DCDC2: variants seen among roughly 807,000 people sequenced by gnomAD.
DCDC2 encodes the protein doublecortin domain containing 2, also known as doublecortin domain-containing protein 2.
A neutral mutation model predicts 50.2 loss-of-function variants in DCDC2; 40 were observed. The ratio of observed to expected loss-of-function variants is 0.80; its 90% CI spans 0.62 to 1.04. DCDC2 has a LOEUF of 1.04. Ranked by LOEUF, DCDC2 falls within the 50% of genes least tolerant of loss-of-function variation. The pLI, the probability that DCDC2 is intolerant of heterozygous loss-of-function variation, is 0.00. For missense variants in DCDC2, 570 were observed against 581.9 expected, an observed-to-expected ratio of 0.98 and a Z score of 0.21; for synonymous variants, 234 against 210.6, an observed-to-expected ratio of 1.11 and a Z score of -0.96.
chr6:24,367,506 G>A, the DCDC2 span, among the ~76,000 whole-genome samples: 1 of 152,206 alleles, frequency 6.6e-6, no homozygotes, highest in Non-Finnish European at 1.5e-5. Flanking sequence ...GAGGTGGGAG[G>A]AAGGGATCAC....
chr6:24,185,386 T>C (rs2113745689), intron 8 of DCDC2, among the ~76,000 whole-genome samples: 1 of 152,314 alleles, frequency 6.6e-6, no homozygotes, highest in African/African-American at 2.4e-5. Context: ...AATGCAAGAT[T>C]ATCGTGTTGA....
At chr6:24,286,408 C>A (rs1021391218) in intron 6 of DCDC2, among the ~76,000 whole-genome samples, 5 of 152,122 alleles carry the variant, frequency 3.3e-5, no homozygotes, top group Non-Finnish European at 7.4e-5. Context: ...GCCTGGGCAA[C>A]AAGGTGAAAC....
At chr6:24,271,697 C>T (rs1763242178) in intron 7 of DCDC2, among the ~76,000 whole-genome samples, 1 of 152,126 alleles carries the variant, frequency 6.6e-6, no homozygotes, top group Non-Finnish European at 1.5e-5. Flanking sequence ...TTTGTTTTCC[C>T]ACTGGAAACA....
intron 8 of DCDC2, among the ~76,000 whole-genome samples, chr6:24,191,951 C>T (rs1326887289): frequency 6.6e-6 from 1 of 152,122 alleles, no homozygotes; most frequent in Non-Finnish European, 1.5e-5. Flanking sequence ...CCTTTGCGTG[C>T]TTAAAAACCT....
At chr6:24,280,139 A>G (rs1194026409) in intron 6 of DCDC2, among the ~76,000 whole-genome samples, 3 of 152,198 alleles carry the variant, frequency 2.0e-5, no homozygotes, top group Non-Finnish European at 4.4e-5. Context: ...AAGCATTTAA[A>G]TGGATTTAGC....
intron 7 of DCDC2, among the ~76,000 whole-genome samples, chr6:24,276,177 A>C (rs1301705649): frequency 2.6e-5 from 4 of 152,038 alleles, no homozygotes; most frequent in African/African-American, 9.7e-5. Flanking sequence ...CAATAATTCA[A>C]CTTTTTAATG....
In DCDC2 at chr6:24,173,917, A is replaced by T. The variant is rs966275074; in HGVS notation, c.*813T>A. ...AGCCAATATCAGGTTCTCTAATAAC[A>T]TAAGGGAGAAGAGAGAGATACTATT... On this transcript the variant is annotated 3_prime_UTR_variant, in exon 10 of 10. Coordinates refer to ENST00000378454, the MANE Select transcript of DCDC2 (RefSeq NM_016356.5). 1 of 152,248 alleles carries T rather than the reference A, an allele frequency of 6.6e-6. No individual in the cohort carries two copies. Among genetic ancestry groups the T allele is most frequent in the Admixed American group, 6.5e-5 (1 of 15,288 alleles). 9.4% of individuals were successfully genotyped at this position (152,248 alleles called of 1,614,324 possible). A position where few individuals can be genotyped will look rare whatever the true frequency, so the allele number is the denominator to read the frequency against.
rs1308097447 is a variant in DCDC2, at chr6:24,357,447, G to C, written c.293+11C>G. ...ACCTAAATGGGTGGGCGGTGGGGGA[G>C]ACCGACTCACTTGAGTTTCTTGAAG... On this transcript the variant is annotated intron_variant, in intron 1 of 9. Coordinates refer to ENST00000378454, the MANE Select transcript of DCDC2 (RefSeq NM_016356.5). 6.3e-7 allele frequency: 1 copy of C among 1,587,610 alleles called. No individual in the cohort carries two copies. Among genetic ancestry groups the C allele is most frequent in the South Asian group, 1.2e-5 (1 of 86,894 alleles).
chr6:24,357,340 C>G, intron 1 of DCDC2, 118 bp downstream of exon 1: 4 of 1,233,170 alleles, frequency 3.2e-6, no homozygotes, highest in South Asian at 1.6e-5. Flanking sequence ...TCAATCACAC[C>G]GAGAAGTCAC....
intron 6 of DCDC2, among the ~76,000 whole-genome samples, chr6:24,288,573 T>C (rs148166551): frequency 1.6e-3 from 243 of 152,364 alleles, no homozygotes; most frequent in African/African-American, 5.5e-3. Context: ...ACAATGGTTC[T>C]TACAGTTTAA....
chr6:24,333,792 CA>C (rs1250676526), intron 2 of DCDC2, among the ~76,000 whole-genome samples: 1 of 152,094 alleles, frequency 6.6e-6, no homozygotes, highest in African/African-American at 2.4e-5. Context: ...CAAGGAGACA[CA>C]GTAGGAGACT....
At chr6:24,255,831 A>G (rs1762888186) in intron 7 of DCDC2, among the ~76,000 whole-genome samples, 1 of 152,120 alleles carries the variant, frequency 6.6e-6, no homozygotes, top group Non-Finnish European at 1.5e-5. Context: ...AACTAGTATG[A>G]CCTCTTTGGA....
chr6:24,247,317 A>G (rs1236123763), intron 7 of DCDC2, among the ~76,000 whole-genome samples: 1 of 150,966 alleles, frequency 6.6e-6, no homozygotes, highest in Non-Finnish European at 1.5e-5. Context: ...GGATATATAT[A>G]TACATATTTA....
intron 2 of DCDC2, among the ~76,000 whole-genome samples, chr6:24,319,968 A>G (rs1581650692): frequency 7.8e-6 from 1 of 127,670 alleles, no homozygotes; most frequent in South Asian, 3.1e-4. Flanking sequence ...AAATGAACCT[A>G]ACTGTGTTAC....
chr6:24,218,242 A>G (rs1480205248), intron 7 of DCDC2, among the ~76,000 whole-genome samples: 1 of 152,208 alleles, frequency 6.6e-6, no homozygotes, highest in African/African-American at 2.4e-5. Context: ...AAATATTCAA[A>G]TGAGCCATAA....
upstream of DCDC2, among the ~76,000 whole-genome samples, chr6:24,359,355 ATGTATAT>A (rs1391602523): frequency 3.9e-4 from 13 of 33,488 alleles, no homozygotes; most frequent in African/African-American, 1.5e-3. Context: ...TATATATTTT[ATGTATAT>A]TATATATTAT....
chr6:24,373,292 T>A, the DCDC2 span, among the ~76,000 whole-genome samples: 5 of 152,236 alleles, frequency 3.3e-5, no homozygotes, highest in East Asian at 9.6e-4. Flanking sequence ...TCTACAACAA[T>A]GTTTGTAGAA....
At chr6:24,269,566 G>C (rs1198389943) in intron 7 of DCDC2, among the ~76,000 whole-genome samples, 1 of 152,140 alleles carries the variant, frequency 6.6e-6, no homozygotes. Flanking sequence ...GTACATGGTA[G>C]GGACTCAATA....
chr6:24,243,496 T>C (rs1358735924), intron 7 of DCDC2, among the ~76,000 whole-genome samples: 1 of 152,218 alleles, frequency 6.6e-6, no homozygotes, highest in African/African-American at 2.4e-5. Flanking sequence ...AATGATTTAA[T>C]GTGTTTAAAA....
Sources: gnomAD v4.1 joint callset for allele counts (sites outside exome capture counted in the v4.1 genomes callset) on GRCh38, gnomAD v4.1.1 for gene constraint, MANE v1.5 for transcripts, NCBI Gene and HGNC (gene_info 2026-07-23, HGNC 2026-07-21) for gene names.